Variants in FAM163B observed in about 807,000 individuals in gnomAD.
The protein encoded by FAM163B is family with sequence similarity 163 member B.
In FAM163B, 4 loss-of-function variants were observed where a neutral mutation model predicts 7.6. The observed-to-expected ratio is 0.52, with a 90% CI of 0.26 to 1.20. The LOEUF (loss-of-function observed/expected upper bound fraction) is 1.20, where lower values mean the gene tolerates loss of function less well. FAM163B is among the 50% of genes most tolerant of loss of function. FAM163B has a pLI of 0.14. For missense variants in FAM163B, 250 were observed against 243.0 expected, an observed-to-expected ratio of 1.03 and a Z score of -0.19; for synonymous variants, 120 against 111.6, an observed-to-expected ratio of 1.07 and a Z score of -0.47.
rs932983641 is a variant in FAM163B, at chr9:133,579,383, G to T, written c.140C>A (p.Pro47Gln). 53 of 1,611,130 alleles carry T rather than the reference G, an allele frequency of 3.3e-5. No homozygotes were observed. Among genetic ancestry groups the T allele is most frequent in the Non-Finnish European group, 4.4e-5 (52 of 1,179,246 alleles). ...KDESEEDEEEPDFAVHSHLPP... is the reference protein window; with the variant it reads ...KDESEEDEEEQDFAVHSHLPP... ...CAGGTGCGAGTGAACGGCGAAGTCT[G>T]GTTCCTCCTCGTCCTCCTCCGACTC... Residue 47 changes from proline to glutamine, a missense_variant, in exon 3 of 3, where the codon CCA becomes CAA. Coordinates refer to ENST00000673969, the MANE Select transcript of FAM163B (RefSeq NM_001080515.3).
chr9:133,584,055 C>G (rs905749948), intron 1 of FAM163B, among the ~76,000 whole-genome samples: 102 of 152,254 alleles, frequency 6.7e-4, no homozygotes, highest in African/African-American at 2.2e-3. Flanking sequence ...CCATCCCCCC[C>G]CCGGACCTAC....
Position 133,578,621 on chromosome 9 carries a change from T to C in FAM163B, c.*401A>G. 5.1e-6 allele frequency: 1 copy of C among 196,944 alleles called. No individual in the cohort carries two copies. Among genetic ancestry groups the C allele is most frequent in the East Asian group, 1.2e-4 (1 of 8,454 alleles). 12.2% of individuals were successfully genotyped at this position (196,944 alleles called of 1,614,324 possible). On this transcript the variant is annotated 3_prime_UTR_variant, in exon 3 of 3. Coordinates refer to ENST00000673969, the MANE Select transcript of FAM163B (RefSeq NM_001080515.3). ...AGGGCCCTGGGCCTCACTGAGGTCA[T>C]CCCTTCCTTGAGCAGGTGAGAAGGG...
Position 133,578,047 on chromosome 9 carries a change from A to G in FAM163B, c.*975T>C, listed in dbSNP as rs1831279537. ...GATCTCAGTTCCTGTTGAGACCCACAGCCTGAAGACCTCTGTCCTCAGGGT... is the reference window on the plus strand; with the variant it reads ...GATCTCAGTTCCTGTTGAGACCCACGGCCTGAAGACCTCTGTCCTCAGGGT... On this transcript the variant is annotated 3_prime_UTR_variant, in exon 3 of 3. Coordinates refer to ENST00000673969, the MANE Select transcript of FAM163B (RefSeq NM_001080515.3). Among the ~76,000 whole-genome samples, 1 of 152,124 alleles carries G rather than the reference A, an allele frequency of 6.6e-6. No homozygotes were observed.
intron 1 of FAM163B, among the ~76,000 whole-genome samples, chr9:133,592,968 C>T (rs1473744492): frequency 1.3e-5 from 2 of 152,224 alleles, no homozygotes; most frequent in African/African-American, 4.8e-5. Flanking sequence ...CGAACCAATA[C>T]TTGCACAGCT....
intron 1 of FAM163B, among the ~76,000 whole-genome samples, chr9:133,593,661 T>C (rs577121267): frequency 1.3e-5 from 2 of 152,344 alleles, no homozygotes; most frequent in African/African-American, 4.8e-5. Context: ...ATTATGACAA[T>C]CTCCAGCTTT....
At chr9:133,597,741 G>A (rs1079783) in intron 1 of FAM163B, among the ~76,000 whole-genome samples, 118,464 of 152,056 alleles carry the variant, frequency 0.78, 46,829 homozygotes, top group African/African-American at 0.91. Context: ...ACAGAGCCAA[G>A]GGCTGCATGA....
rs959018707 is a variant in FAM163B, at chr9:133,609,385, G to C, written c.-332C>G. Reference sequence around the variant, plus strand: ...CAGCCTGGTCCCGAGCGCAGGGCGCGCGCTGGCGGGGAGGGCGCGCGCCCG... The same window carrying C: ...CAGCCTGGTCCCGAGCGCAGGGCGCCCGCTGGCGGGGAGGGCGCGCGCCCG... On this transcript the variant is annotated 5_prime_UTR_variant, in exon 1 of 3. Transcript: ENST00000673969. 1.3e-5 allele frequency among the ~76,000 whole-genome samples: 2 copies of C among 149,706 alleles called. No individual in the cohort carries two copies. The highest frequency in any genetic ancestry group is 3.0e-5 in the Non-Finnish European group (2 of 67,218).
At chr9:133,584,090 C>T (rs1831397028) in intron 1 of FAM163B, among the ~76,000 whole-genome samples, 1 of 151,970 alleles carries the variant, frequency 6.6e-6, no homozygotes, top group African/African-American at 2.4e-5. Context: ...CCAGCACGTG[C>T]CCTCCTCTCC....
At position 133,578,768 on chromosome 9, in the gene FAM163B, C is replaced by A; in HGVS notation, c.*254G>T. 1 of 567,708 alleles carries A rather than the reference C, an allele frequency of 1.8e-6. No individual in the cohort carries two copies. Among genetic ancestry groups the A allele is most frequent in the South Asian group, 4.6e-5 (1 of 21,856 alleles). 35.2% of individuals were successfully genotyped at this position (567,708 alleles called of 1,614,324 possible). A position where few individuals can be genotyped will look rare whatever the true frequency, so the allele number is the denominator to read the frequency against. The stretch of plus-strand genomic sequence containing the variant: ...CCTGAGAGCCCTGGTGCATGCCCAG[C>A]CGGCTGTATGGTCACCTGGTCCTTC... On this transcript the variant is annotated 3_prime_UTR_variant, in exon 3 of 3. Coordinates refer to ENST00000673969, the MANE Select transcript of FAM163B (RefSeq NM_001080515.3).
At chr9:133,607,001 G>A (rs1180756973) in intron 1 of FAM163B, among the ~76,000 whole-genome samples, 2 of 152,198 alleles carry the variant, frequency 1.3e-5, no homozygotes, top group East Asian at 3.9e-4. Context: ...TATACAAAAC[G>A]GGGGTGATCA....
intron 1 of FAM163B, among the ~76,000 whole-genome samples, chr9:133,597,464 A>T (rs1447465855): frequency 6.6e-6 from 1 of 152,212 alleles, no homozygotes; most frequent in African/African-American, 2.4e-5. Context: ...AATAAACGAA[A>T]AAAACAAACA....
chr9:133,579,771 C>T (rs1240592775), intron 2 of FAM163B, among the ~76,000 whole-genome samples: 2 of 152,212 alleles, frequency 1.3e-5, no homozygotes, highest in Non-Finnish European at 2.9e-5. Context: ...TGTGTTGCCT[C>T]GCCCTGCCCC....
rs1012482836 is a variant in FAM163B at position 133,600,328 on chromosome 9, G to A, written c.-24+8749C>T. The stretch of plus-strand genomic sequence containing the variant: ...GAGAGTGGATGAAGAGCAGCATGCA[G>A]GTGCAAAGGTAGAGTCCAGCAGCCT... On this transcript the variant is annotated intron_variant, in intron 1 of 2. Transcript: ENST00000673969. This position sits in a 1 kb window ranked among gnomAD's most constrained non-coding sequence, Gnocchi z 4.9. Among the ~76,000 whole-genome samples the A allele has an allele frequency of 1.9e-4, 29 of 151,962 alleles. No individual in the cohort carries two copies. Among genetic ancestry groups the A allele is most frequent in the Non-Finnish European group, 4.4e-5 (3 of 67,996 alleles).
At chr9:133,587,280 A>C (rs1393336971) in intron 1 of FAM163B, among the ~76,000 whole-genome samples, 3 of 152,176 alleles carry the variant, frequency 2.0e-5, no homozygotes, top group Non-Finnish European at 4.4e-5. Flanking sequence ...AGAGCTGGGA[A>C]GGGGAGTCGA....
intron 1 of FAM163B, among the ~76,000 whole-genome samples, chr9:133,608,199 G>A (rs114187344): frequency 0.02 from 3,026 of 152,294 alleles, 65 homozygotes; most frequent in East Asian, 0.11. Context: ...AGGCCTCAAG[G>A]ATACTCCCCT....
intron 1 of FAM163B, among the ~76,000 whole-genome samples, chr9:133,592,384 C>T (rs1398178053): frequency 1.3e-5 from 2 of 152,308 alleles, no homozygotes; most frequent in East Asian, 3.9e-4. Flanking sequence ...TGAGCTTGCC[C>T]CTGGGCGGCC....
intron 1 of FAM163B, among the ~76,000 whole-genome samples, chr9:133,585,633 C>A (rs1436199023): frequency 6.6e-6 from 1 of 152,256 alleles, no homozygotes; most frequent in Non-Finnish European, 1.5e-5. Context: ...GCTCATCCAG[C>A]CCCGCGCCTT....
At chr9:133,589,542 C>A (rs1253765822) in intron 1 of FAM163B, among the ~76,000 whole-genome samples, 1 of 152,164 alleles carries the variant, frequency 6.6e-6, no homozygotes, top group East Asian at 1.9e-4. Context: ...AACTCACCGC[C>A]TTCCCTGCAT....
chr9:133,608,603 CT>C (rs2131268156), intron 1 of FAM163B, among the ~76,000 whole-genome samples: 1 of 152,334 alleles, frequency 6.6e-6, no homozygotes, highest in Non-Finnish European at 1.5e-5. Flanking sequence ...GTTTCTGCAT[CT>C]GTGAAATGGG....
Sources: gnomAD v4.1 joint callset for allele counts (sites outside exome capture counted in the v4.1 genomes callset) on GRCh38, gnomAD v4.1.1 for gene constraint, Gnocchi (gnomAD v3.1) non-coding constraint, MANE v1.5 for transcripts, NCBI Gene and HGNC (gene_info 2026-07-23, HGNC 2026-07-21) for gene names.